The following PARP8 variants were observed in gnomAD, a reference collection of about 807,000 sequenced individuals.
PARP8 encodes protein mono-ADP-ribosyltransferase PARP8.
Under a neutral mutation model 124.1 loss-of-function variants are expected in PARP8, and 51 were observed. The ratio of observed to expected loss-of-function variants is 0.41; its 90% CI spans 0.33 to 0.52. The LOEUF is 0.52. Among genes scored for constraint, PARP8 ranks in the 20% least tolerant of loss-of-function variants. The pLI, the probability that PARP8 is intolerant of heterozygous loss-of-function variation, is 0.21. For missense variants in PARP8, 860 were observed against 1,018.9 expected (o/e 0.84, Z 2.12); for synonymous variants, 391 against 361.5 (o/e 1.08, Z -0.93).
At chr5:50,715,010 G>A (rs546569653) in intron 2 of PARP8, among the ~76,000 whole-genome samples, 2 of 151,478 alleles carry the variant, frequency 1.3e-5, no homozygotes, top group African/African-American at 4.9e-5. Flanking sequence ...GTGAATTTAT[G>A]CTTTTTTTTC....
Position 50,738,875 on chromosome 5 carries a change from T to C in PARP8, c.147-11276T>C. ...AGTAAAAAGGATAGTTATTTGTTCATGTAATAAAAAATTTATTATTGATAA... is the reference window on the plus strand; with the variant it reads ...AGTAAAAAGGATAGTTATTTGTTCACGTAATAAAAAATTTATTATTGATAA... On this transcript the variant is annotated intron_variant, in intron 2 of 25. Transcript: ENST00000281631. 3 of 650,978 alleles carry C rather than the reference T, an allele frequency of 4.6e-6. No individual in the cohort carries two copies. The South Asian group carries it at 4.9e-5, about 11-fold the overall frequency. 40.3% of individuals were successfully genotyped at this position (650,978 alleles called of 1,614,324 possible).
At chr5:50,791,633 G>A (rs1022423067) in intron 10 of PARP8, among the ~76,000 whole-genome samples, 4 of 152,062 alleles carry the variant, frequency 2.6e-5, no homozygotes, top group Admixed American at 2.6e-4. Flanking sequence ...TCTTGTATAG[G>A]GTATCCTATC....
chr5:50,681,951 C>T lies in PARP8; in HGVS notation c.146+13826C>T, dbSNP rs113738582. Among the ~76,000 whole-genome samples, 149 of 152,202 alleles carry T rather than the reference C, an allele frequency of 9.8e-4. 1 individual carries two copies. Among genetic ancestry groups the T allele is most frequent in the African/African-American group, 3.4e-3 (143 of 41,546 alleles). The stretch of plus-strand genomic sequence containing the variant: ...TGATGACACAAAAGACCTGAGAGAA[C>T]GTAGGAATGTATAGAACATCCAAAA... On this transcript the variant is annotated intron_variant, in intron 2 of 25. Transcript: ENST00000281631.
At chr5:50,712,834 A>C (rs1295505043) in intron 2 of PARP8, among the ~76,000 whole-genome samples, 3 of 151,886 alleles carry the variant, frequency 2.0e-5, no homozygotes, top group Non-Finnish European at 4.4e-5. Flanking sequence ...AAGAAGGAGG[A>C]ACAAGGTTTT....
At chr5:50,691,994 C>T (rs1752541328) in intron 2 of PARP8, among the ~76,000 whole-genome samples, 1 of 152,156 alleles carries the variant, frequency 6.6e-6, no homozygotes, top group African/African-American at 2.4e-5. Context: ...TTCCAACTTC[C>T]TCTACCTTAA....
intron 14 of PARP8, among the ~76,000 whole-genome samples, chr5:50,809,094 A>AC (rs1744163205): frequency 6.6e-6 from 1 of 152,054 alleles, no homozygotes; most frequent in Non-Finnish European, 1.5e-5. Flanking sequence ...TATGAGACAA[A>AC]TAGAGACTAC....
intron 7 of PARP8, 133 bp downstream of exon 7, chr5:50,763,375 T>TGGCTCACGCCTGTA: frequency 1.6e-6 from 1 of 625,500 alleles, no homozygotes; most frequent in South Asian, 2.0e-5. Flanking sequence ...GTCTACTGTT[T>TGGCTCACGCCTGTA]ATCCTTACAC....
intron 2 of PARP8, among the ~76,000 whole-genome samples, chr5:50,672,126 T>C (rs1281342431): frequency 2.0e-5 from 3 of 152,246 alleles, no homozygotes; most frequent in African/African-American, 7.2e-5. Context: ...TCATCCCTGC[T>C]CAGCCCTCTT....
At chr5:50,817,603 C>A (rs1398357233) in intron 15 of PARP8, among the ~76,000 whole-genome samples, 1 of 152,180 alleles carries the variant, frequency 6.6e-6, no homozygotes, top group Non-Finnish European at 1.5e-5. Context: ...ACCCCAAATA[C>A]TACTTCAACA....
rs1748532848 is a variant in PARP8, at chr5:50,845,311, A to G, written c.*3243A>G. 1 of 151,742 alleles carries G rather than the reference A, an allele frequency of 6.6e-6. No homozygotes were observed. Among genetic ancestry groups the G allele is most frequent in the Non-Finnish European group, 1.5e-5 (1 of 67,790 alleles). 9.4% of individuals were successfully genotyped at this position (151,742 alleles called of 1,614,324 possible). On this transcript the variant is annotated 3_prime_UTR_variant, in exon 26 of 26. Coordinates refer to ENST00000281631, the MANE Select transcript of PARP8 (RefSeq NM_024615.4). Reference sequence around the variant, plus strand: ...TTTTGACGAAAAACTCATCTTCATTAAAGAGTCTGGATAACTTCATCAGAT... The same window carrying G: ...TTTTGACGAAAAACTCATCTTCATTGAAGAGTCTGGATAACTTCATCAGAT...
At chr5:50,818,927 G>A (rs1023109543) in intron 15 of PARP8, among the ~76,000 whole-genome samples, 1 of 152,146 alleles carries the variant, frequency 6.6e-6, no homozygotes, top group Non-Finnish European at 1.5e-5. Context: ...GGACCCCTTC[G>A]ATCATGTGGC....
rs186653081 is a variant in PARP8 at position 50,708,087 on chromosome 5, G to A, written c.146+39962G>A. ...AAATTGCTTATCATTTTTCCCATTA[G>A]CTTGTATTTTGCTGTGTGTCCATTA... is the stretch of plus-strand genomic sequence containing the variant. On this transcript the variant is annotated intron_variant, in intron 2 of 25. Transcript: ENST00000281631. 1.4e-4 allele frequency among the ~76,000 whole-genome samples: 21 copies of A among 151,848 alleles called. No individual in the cohort carries two copies. The East Asian group carries it at 2.9e-3, about 21-fold the overall frequency.
chr5:50,680,627 T>C (rs944874088), intron 2 of PARP8, among the ~76,000 whole-genome samples: 5 of 152,194 alleles, frequency 3.3e-5, no homozygotes, highest in Non-Finnish European at 7.4e-5. Context: ...TGTATGGTTC[T>C]CACACATTCC....
At chr5:50,799,025 A>G (rs1742889930) in intron 14 of PARP8, among the ~76,000 whole-genome samples, 1 of 151,990 alleles carries the variant, frequency 6.6e-6, no homozygotes, top group Admixed American at 6.6e-5. Context: ...GTAGTTTGTC[A>G]TTTCATTTTT....
At chr5:50,736,937 A>C (rs1311829031) in intron 2 of PARP8, among the ~76,000 whole-genome samples, 1 of 152,194 alleles carries the variant, frequency 6.6e-6, no homozygotes, top group Non-Finnish European at 1.5e-5. Context: ...GATCAAGGTG[A>C]TAAAATTAAC....
chr5:50,700,442 C>G (rs536380798), intron 2 of PARP8, among the ~76,000 whole-genome samples: 1 of 152,138 alleles, frequency 6.6e-6, no homozygotes, highest in Non-Finnish European at 1.5e-5. Flanking sequence ...GGTTTCTAAT[C>G]GTAAATTTTT....
chr5:50,798,093 CTTA>C (rs944720614), intron 14 of PARP8, among the ~76,000 whole-genome samples: 3 of 152,156 alleles, frequency 2.0e-5, no homozygotes, highest in Admixed American at 1.3e-4. Context: ...ACTTCTTTCA[CTTA>C]TTATAATGTT....
At chr5:50,838,074 C>T (rs1171243813) in intron 25 of PARP8, among the ~76,000 whole-genome samples, 1 of 152,056 alleles carries the variant, frequency 6.6e-6, no homozygotes, top group Non-Finnish European at 1.5e-5. Context: ...GAATAAAATG[C>T]TCACGTTATA....
chr5:50,802,461 G>T (rs1743338002), intron 14 of PARP8, among the ~76,000 whole-genome samples: 1 of 152,070 alleles, frequency 6.6e-6, no homozygotes, highest in South Asian at 2.1e-4. Context: ...CAGGACTGCA[G>T]GCACAAGCCA....
Sources: allele counts gnomAD v4.1 joint callset (sites outside exome capture counted in the v4.1 genomes callset), GRCh38; gene constraint gnomAD v4.1.1; transcripts MANE v1.5; gene names NCBI Gene and HGNC (gene_info 2026-07-23, HGNC 2026-07-21).